The following MMP25 variants were observed in gnomAD, a reference collection of about 807,000 sequenced individuals.
MMP25 encodes matrix metalloproteinase-25.
In MMP25, 68 loss-of-function variants were observed where a neutral mutation model predicts 62.1. The observed-to-expected ratio is 1.10, with a 90% CI of 0.90 to 1.34. The LOEUF is 1.34. MMP25 is among the 40% of genes most tolerant of loss of function. The pLI is 0.00. For missense variants in MMP25, 942 were observed against 792.5 expected, an observed-to-expected ratio of 1.19 and a Z score of -2.26; for synonymous variants, 407 against 345.6, an observed-to-expected ratio of 1.18 and a Z score of -1.97.
chr16:3,058,182 C>T lies in MMP25; in HGVS notation c.1008C>T (p.Gly336=), dbSNP rs746152409. ...TGCGAACCCCTTTGTCCCCTGCAGG[C>T]CCCTGGTTCTGGCGCCTCCAGCCCT... ...NIRGETFFFK[G]PWFWRLQPSG... is the part of the protein sequence containing the mutation. Residue 336 remains glycine, a splice_region_variant and synonymous_variant, in exon 8 of 10, where the codon GGC becomes GGT. Transcript: ENST00000336577. 11 of 1,612,286 alleles carry T rather than the reference C, an allele frequency of 6.8e-6. No homozygotes were observed. The highest frequency in any genetic ancestry group is 1.7e-5 in the Admixed American group (1 of 59,834).
chr16:3,059,222 G>A lies in MMP25; in HGVS notation c.*124G>A. 8.2e-7 allele frequency: 1 copy of A among 1,214,760 alleles called. No homozygotes were observed. The highest frequency in any genetic ancestry group is 1.1e-6 in the Non-Finnish European group (1 of 910,054). 75.2% of individuals were successfully genotyped at this position (1,214,760 alleles called of 1,614,324 possible). A position where few individuals can be genotyped will look rare whatever the true frequency, so the allele number is the denominator to read the frequency against. On this transcript the variant is annotated 3_prime_UTR_variant, in exon 10 of 10. Coordinates refer to ENST00000336577, the MANE Select transcript of MMP25 (RefSeq NM_022468.5). ...TGTTCCCACGGACGGGGGCTCGGGC[G>A]CGGACTAAGCAGGGGGGATCTCCCG...
intron 2 of MMP25, 136 bp from the exon 3 acceptor site, chr16:3,049,873 G>C (rs992305789): frequency 1.1e-5 from 15 of 1,304,560 alleles, no homozygotes; most frequent in Admixed American, 1.7e-5. Flanking sequence ...TCAAACCTGG[G>C]CTGTGGGGCC....
In MMP25 at chr16:3,057,350, A is replaced by T; in HGVS notation, c.879A>T (p.Lys293Asn). Residue 293 changes from lysine (K) to asparagine (N), a missense_variant, in exon 6 of 10, where the codon AAA becomes AAT. Physicochemically the swap from Lys to Asn is moderately conservative, Grantham distance 94 (BLOSUM62 0). Transcript: ENST00000336577. ...CCCCATATGACAAGCCCACAAGGAA[A>T]CCCCTGGCTCCTCCGCCCCAGCCCC... Reference protein sequence around the residue: ...PQTPYDKPTRKPLAPPPQPPA... With the variant: ...PQTPYDKPTRNPLAPPPQPPA... 1 of 1,613,462 alleles carries T rather than the reference A, an allele frequency of 6.2e-7. No homozygotes were observed. Among genetic ancestry groups the T allele is most frequent in the Non-Finnish European group, 8.5e-7 (1 of 1,179,810 alleles).
rs1196516567 is a variant in MMP25 at position 3,058,507 on chromosome 16, G to A, written c.1255G>A (p.Val419Met). Residue 419 changes from valine to methionine, a missense_variant, in exon 9 of 10, where the codon GTG (valine) becomes ATG (methionine). By Grantham distance (21) the Val-to-Met change is conservative. Transcript: ENST00000336577. The stretch of plus-strand genomic sequence containing the variant: ...GCCCCCGGGAGAGGAGGTGGACGCC[G>A]TGTTCTCGTGGCCACAGAACGGGAA... ...GLPPGEEVDA[V>M]FSWPQNGKTY... The A allele has an allele frequency of 4.3e-6, 7 of 1,609,954 alleles. No individual in the cohort carries two copies. Among genetic ancestry groups the A allele is most frequent in the Non-Finnish European group, 5.9e-6 (7 of 1,178,996 alleles).
chr16:3,058,759 T>C (rs1956063068), intron 9 of MMP25, 68 bp from the exon 10 acceptor site: 4 of 1,408,688 alleles, frequency 2.8e-6, no homozygotes, highest in Non-Finnish European at 3.8e-6. Context: ...CCTGCGGGGA[T>C]GGGGGTCCTT....
Position 3,050,387 on chromosome 16 carries a change from C to A in MMP25, c.502C>A (p.Pro168Thr), listed in dbSNP as rs61747721. ...HEVDSPQGQE[P>T]DILIDFARAF... Reference sequence around the variant, plus strand: ...GGTGGATTCCCCCCAGGGCCAGGAGCCCGACATCCTCATCGACTTTGCCCG... The same window carrying A: ...GGTGGATTCCCCCCAGGGCCAGGAGACCGACATCCTCATCGACTTTGCCCG... Residue 168 changes from proline to threonine, a missense_variant, in exon 4 of 10, where the codon CCC becomes ACC. By Grantham distance (38) the Pro-to-Thr change is conservative. Coordinates refer to ENST00000336577, the MANE Select transcript of MMP25 (RefSeq NM_022468.5). The A allele has an allele frequency of 1.9e-6, 3 of 1,613,906 alleles. No individual in the cohort carries two copies. The African/African-American group carries it at 4.0e-5, about 22-fold the overall frequency.
In MMP25 at chr16:3,060,545, A is replaced by G. The variant is rs1956094670; in HGVS notation, c.*1447A>G. On this transcript the variant is annotated 3_prime_UTR_variant, in exon 10 of 10. Transcript: ENST00000336577. The stretch of plus-strand genomic sequence containing the variant: ...ATGCGAGGGGTTGCCCCAGTTGCTC[A>G]TACAAACAGATCAGCATGAGGACAG... 2.6e-5 allele frequency: 4 copies of G among 152,204 alleles called. No individual in the cohort carries two copies. Among genetic ancestry groups the G allele is most frequent in the Non-Finnish European group, 5.9e-5 (4 of 68,038 alleles). The allele number at this position is 152,204 out of a possible 1,614,324, so 9.4% of individuals were successfully genotyped here. A position where few individuals can be genotyped will look rare whatever the true frequency, so the allele number is the denominator to read the frequency against.
In MMP25 at chr16:3,057,110, C is replaced by G; in HGVS notation, c.739C>G (p.Pro247Ala). 6.2e-7 allele frequency: 1 copy of G among 1,613,382 alleles called. No homozygotes were observed. ...HALGLGHSSA[P>A]NSIMRPFYQG... ...CCTGGGCCTGGGCCACTCCTCAGCC[C>G]CCAACTCCATTATGAGGCCCTTCTA... Residue 247 changes from proline (P) to alanine (A), a missense_variant, in exon 5 of 10, where the codon CCC (proline) becomes GCC (alanine). Transcript: ENST00000336577.
chr16:3,047,351 G>C (rs1955835026), intron 1 of MMP25, 64 bp from the exon 2 acceptor site: 1 of 1,553,486 alleles, frequency 6.4e-7, no homozygotes, highest in African/African-American at 1.4e-5. Flanking sequence ...CCAGGATGGT[G>C]GTGGGCAGAG....
At chr16:3,051,042 T>A (rs1423564806) in intron 4 of MMP25, 2 of 152,572 alleles carry the variant, frequency 1.3e-5, no homozygotes, top group Non-Finnish European at 2.9e-5. Context: ...CCTCCCATCT[T>A]GGTCTCTCAA....
chr16:3,050,027 C>T lies in MMP25; in HGVS notation c.251C>T (p.Thr84Ile), dbSNP rs184106582. 860 of 1,610,174 alleles carry T rather than the reference C, an allele frequency of 5.3e-4. 11 individuals are homozygous for T. In the East Asian group the frequency reaches 0.019, roughly 35 times the overall value. The change falls in exon 3 of 10, where the codon ACC (threonine) becomes ATC (isoleucine). Residue 84 changes from threonine (T) to isoleucine (I), a missense_variant. Coordinates refer to ENST00000336577, the MANE Select transcript of MMP25 (RefSeq NM_022468.5). ...CCCGCAGACCCAGGGACAGTGGCCA[C>T]CATGCGTAAGCCCCGCTGCTCCCTG... ...TGRMDPGTVA[T>I]MRKPRCSLPD...
At position 3,058,119 on chromosome 16, in the gene MMP25, C is replaced by G. The variant is rs116636959; in HGVS notation, c.1007-62C>G. The G allele has an allele frequency of 3.0e-3, 4,724 of 1,587,136 alleles. 120 individuals carry two copies. In the African/African-American group the frequency reaches 0.056, roughly 19 times the overall value. On this transcript the variant is annotated intron_variant, in intron 7 of 9. Coordinates refer to ENST00000336577, the MANE Select transcript of MMP25 (RefSeq NM_022468.5). ...GGACCCCTCCCCACCCAGCCACACA[C>G]CCTGGGGGAGGAGACCTCCTGCTGT... is the stretch of plus-strand genomic sequence containing the variant.
At position 3,054,351 on chromosome 16, in the gene MMP25, T is replaced by G; in HGVS notation, c.662-2682T>G. On this transcript the variant is annotated intron_variant, in intron 4 of 9. Transcript: ENST00000336577. ...ACAGATGCATGCACAGAGGTGGGGA[T>G]GGATGGATGGACAGATGCATACACA... 2 of 123,974 alleles carry G rather than the reference T, an allele frequency of 1.6e-5. 1 individual carries two copies. Among genetic ancestry groups the G allele is most frequent in the Non-Finnish European group, 3.3e-5 (2 of 60,198 alleles). The allele number at this position is 123,974 out of a possible 1,614,324, so 7.7% of individuals were successfully genotyped here.
At chr16:3,049,000 G>A (rs893562492) in intron 2 of MMP25, among the ~76,000 whole-genome samples, 1 of 152,032 alleles carries the variant, frequency 6.6e-6, no homozygotes, top group Non-Finnish European at 1.5e-5. Context: ...TAGAGACAGG[G>A]TTTTGCCATG....
chr16:3,058,803 G>A (rs749980117), intron 9 of MMP25, 24 bp from the exon 10 acceptor site: 3 of 1,498,850 alleles, frequency 2.0e-6, no homozygotes, highest in African/African-American at 1.4e-5. Flanking sequence ...GGGAGGGACC[G>A]GGACTCAAGC....
Position 3,058,627 on chromosome 16 carries a change from G to T in MMP25, c.1375G>T (p.Gly459Cys). 6.2e-7 allele frequency: 1 copy of T among 1,606,302 alleles called. No individual in the cohort carries two copies. The highest frequency in any genetic ancestry group is 8.5e-7 in the Non-Finnish European group (1 of 1,177,128). Residue 459 changes from glycine (G) to cysteine (C), a missense_variant, in exon 9 of 10, where the codon GGC (glycine) becomes TGC (cysteine). Physicochemically the swap from Gly to Cys is radical, Grantham distance 159 (BLOSUM62 -3). Coordinates refer to ENST00000336577, the MANE Select transcript of MMP25 (RefSeq NM_022468.5). Reference protein sequence around the residue: ...GYPRDLSLWEGAPPSPDDVTV... With the variant: ...GYPRDLSLWECAPPSPDDVTV... ...CCCTCGCGACCTGAGCCTCTGGGAA[G>T]GCGCGCCCCCCTCCCCTGACGATGT...
chr16:3,058,426 G>C lies in MMP25; in HGVS notation c.1174G>C (p.Val392Leu), dbSNP rs1956053374. The C allele has an allele frequency of 1.3e-6, 2 of 1,572,268 alleles. No individual in the cohort carries two copies. The highest frequency in any genetic ancestry group is 3.7e-5 in the Admixed American group (2 of 53,942). ...CCACCCTGCAGGGCCCCAGTTCTGG[G>C]TGTTCCAGGACCGGCAGCTGGAGGG... ...ILLFSGPQFWVFQDRQLEGGA... is the reference protein window; with the variant it reads ...ILLFSGPQFWLFQDRQLEGGA... The change falls in exon 9 of 10, where the codon GTG becomes CTG. Residue 392 changes from valine (V) to leucine (L), a missense_variant. By Grantham distance (32) the Val-to-Leu change is conservative (BLOSUM62 1). Coordinates refer to ENST00000336577, the MANE Select transcript of MMP25 (RefSeq NM_022468.5).
chr16:3,056,990 C>G (rs1306260999), intron 4 of MMP25, 43 bp from the exon 5 acceptor site: 2 of 1,521,808 alleles, frequency 1.3e-6, no homozygotes, highest in African/African-American at 2.8e-5. Context: ...GCCCCTTTCC[C>G]CAAGCAGGGG....
rs1268826522 is a variant in MMP25 at position 3,057,599 on chromosome 16, C to G, written c.992C>G (p.Thr331Ser). 1 of 1,614,164 alleles carries G rather than the reference C, an allele frequency of 6.2e-7. No individual in the cohort carries two copies. The highest frequency in any genetic ancestry group is 1.3e-5 in the African/African-American group (1 of 75,022). Reference sequence around the variant, plus strand: ...GCCATCGCCAACATCCGAGGGGAAACTTTCTTCTTCAAAGGTGAGTCATTT... The same window carrying G: ...GCCATCGCCAACATCCGAGGGGAAAGTTTCTTCTTCAAAGGTGAGTCATTT... ...FDAIANIRGE[T>S]FFFKGPWFWR... is the part of the protein sequence containing the mutation. The change falls in exon 7 of 10, where the codon ACT becomes AGT. Residue 331 changes from threonine (T) to serine (S), a missense_variant. Thr to Ser is a moderately conservative substitution (Grantham distance 58). Transcript: ENST00000336577.
Sources: gnomAD v4.1 joint callset for allele counts (sites outside exome capture counted in the v4.1 genomes callset) on GRCh38, gnomAD v4.1.1 for gene constraint, MANE v1.5 for transcripts, NCBI Gene and HGNC (gene_info 2026-07-23, HGNC 2026-07-21) for gene names.